MYO1E: variants seen among roughly 807,000 people sequenced by gnomAD.
The protein encoded by MYO1E is myosin IE, also known as unconventional myosin-Ie.
Under a neutral mutation model 151.1 loss-of-function variants are expected in MYO1E, and 68 were observed. That is an observed-to-expected ratio of 0.45 (90% CI 0.37 to 0.55). The LOEUF is 0.55. Among genes scored for constraint, MYO1E ranks in the 20% least tolerant of loss-of-function variants. MYO1E has a pLI of 0.00. For missense variants in MYO1E, 1,363 were observed against 1,389.3 expected (o/e 0.98, Z 0.30); for synonymous variants, 601 against 501.7 (o/e 1.20, Z -2.64).
At chr15:59,170,085 A>G (rs545498053) in intron 22 of MYO1E, among the ~76,000 whole-genome samples, 33 of 152,238 alleles carry the variant, frequency 2.2e-4, no homozygotes, top group Non-Finnish European at 4.1e-4. Context: ...CACTTGGACC[A>G]GGGAGGCAGA....
At chr15:59,289,963 G>T (rs1284848829) in intron 1 of MYO1E, among the ~76,000 whole-genome samples, 1 of 152,216 alleles carries the variant, frequency 6.6e-6, no homozygotes, top group East Asian at 1.9e-4. Context: ...ACATCAAGAA[G>T]TGTGCCCCAC....
At chr15:59,195,690 G>T in intron 16 of MYO1E, 123 bp from the exon 17 acceptor site, 3 of 987,200 alleles carry the variant, frequency 3.0e-6, no homozygotes, top group Non-Finnish European at 3.2e-6. Flanking sequence ...ATGACAATTT[G>T]CTCGTTAAGC....
chr15:59,227,677 G>A lies in MYO1E; in HGVS notation c.511-87C>T, dbSNP rs867265032. On this transcript the variant is annotated intron_variant, in intron 6 of 27. Coordinates refer to ENST00000288235, the MANE Select transcript of MYO1E (RefSeq NM_004998.4). ...GCTTTGAATACAGTATATAATTCAA[G>A]GAAATTCATTAATAAAATACACATT... The A allele has an allele frequency of 1.8e-5, 27 of 1,510,596 alleles. 1 individual carries two copies. The Middle Eastern group carries it at 1.0e-3, about 57-fold the overall frequency. The allele number at this position is 1,510,596 out of a possible 1,614,324, so 93.6% of individuals were successfully genotyped here. A position where few individuals can be genotyped will look rare whatever the true frequency, so the allele number is the denominator to read the frequency against.
At chr15:59,160,483 T>G (rs1379425514) in intron 24 of MYO1E, among the ~76,000 whole-genome samples, 1 of 151,464 alleles carries the variant, frequency 6.6e-6, no homozygotes, top group Non-Finnish European at 1.5e-5. Flanking sequence ...GATCATGATT[T>G]ACTGCAGCCT....
In MYO1E at chr15:59,153,789, A is replaced by G. The variant is rs780579539; in HGVS notation, c.2881T>C (p.Tyr961His). 6.2e-7 allele frequency: 1 copy of G among 1,612,538 alleles called. No homozygotes were observed. Among genetic ancestry groups the G allele is most frequent in the Admixed American group, 1.7e-5 (1 of 60,012 alleles). ...TTTCTGATGACTCCGTTCTGATGGT[A>G]TCCTAGAGAGAGGAACAGAGAAGGA... ...PVRAAPPPPGYHQNGVIRNQY... is the reference protein window; with the variant it reads ...PVRAAPPPPGHHQNGVIRNQY... The change falls in exon 26 of 28, where the codon TAC becomes CAC. Residue 961 changes from tyrosine to histidine, a missense_variant and splice_region_variant. Tyr to His is a moderately conservative substitution (Grantham distance 83). Transcript: ENST00000288235.
At chr15:59,323,077 G>T (rs1444610527) in intron 1 of MYO1E, among the ~76,000 whole-genome samples, 3 of 148,736 alleles carry the variant, frequency 2.0e-5, no homozygotes, top group Admixed American at 6.7e-5. Context: ...GCTGAGGCAG[G>T]AGAATGGTGT....
intron 16 of MYO1E, among the ~76,000 whole-genome samples, chr15:59,202,031 A>G (rs2140333930): frequency 6.6e-6 from 1 of 152,346 alleles, no homozygotes; most frequent in East Asian, 1.9e-4. Context: ...ACAGTTTAAC[A>G]TAAATTCTTC....
At chr15:59,193,487 A>G (rs1437968928) in intron 17 of MYO1E, among the ~76,000 whole-genome samples, 1 of 152,188 alleles carries the variant, frequency 6.6e-6, no homozygotes, top group African/African-American at 2.4e-5. Flanking sequence ...ACATTTCAGA[A>G]AAGCAGAGGC....
At chr15:59,270,568 A>G (rs1331004050) in intron 2 of MYO1E, among the ~76,000 whole-genome samples, 1 of 151,860 alleles carries the variant, frequency 6.6e-6, no homozygotes, top group Non-Finnish European at 1.5e-5. Flanking sequence ...AAGAAAAGAA[A>G]AAAGAAAAAA....
chr15:59,256,234 C>A (rs536618941), intron 4 of MYO1E, 50 bp downstream of exon 4: 1 of 1,412,618 alleles, frequency 7.1e-7, no homozygotes, highest in African/African-American at 1.4e-5. Context: ...TCCATAACCA[C>A]AGCATAGTCT....
intron 2 of MYO1E, among the ~76,000 whole-genome samples, chr15:59,264,081 T>C (rs76382183): frequency 0.01 from 1,546 of 152,260 alleles, 28 homozygotes; most frequent in African/African-American, 0.035. Flanking sequence ...AGATTGTGCT[T>C]TTTTTCATAT....
At chr15:59,276,725 G>A (rs761234861) in intron 1 of MYO1E, among the ~76,000 whole-genome samples, 2 of 152,190 alleles carry the variant, frequency 1.3e-5, no homozygotes, top group East Asian at 1.9e-4. Context: ...GGAAGAACTC[G>A]GCCTTGAGGC....
intron 4 of MYO1E, among the ~76,000 whole-genome samples, chr15:59,252,113 T>C (rs1302966598): frequency 6.6e-6 from 1 of 152,168 alleles, no homozygotes. Flanking sequence ...AAATAAAAAC[T>C]CTGAAATCTT....
intron 1 of MYO1E, among the ~76,000 whole-genome samples, chr15:59,300,282 C>A (rs1290045710): frequency 1.3e-5 from 2 of 150,204 alleles, no homozygotes; most frequent in African/African-American, 5.0e-5. Context: ...CATGGCTCTG[C>A]CTGCCCAGCA....
chr15:59,315,152 T>G (rs2080579745), intron 1 of MYO1E, among the ~76,000 whole-genome samples: 1 of 152,186 alleles, frequency 6.6e-6, no homozygotes, highest in South Asian at 2.1e-4. Context: ...GCTATCTGGC[T>G]TCTCCCCTTC....
chr15:59,270,130 T>C (rs767023754), intron 2 of MYO1E, among the ~76,000 whole-genome samples: 12 of 152,180 alleles, frequency 7.9e-5, no homozygotes, highest in Non-Finnish European at 1.2e-4. Flanking sequence ...AAGTAAATAA[T>C]AACGTAATGT....
chr15:59,208,508 C>G, intron 14 of MYO1E, 173 bp downstream of exon 14: 1 of 748,214 alleles, frequency 1.3e-6, no homozygotes, highest in East Asian at 2.7e-5. Flanking sequence ...AATGTACATA[C>G]AAAAAAATGC....
At chr15:59,310,508 A>C (rs1432595405) in intron 1 of MYO1E, among the ~76,000 whole-genome samples, 1 of 152,202 alleles carries the variant, frequency 6.6e-6, no homozygotes, top group Non-Finnish European at 1.5e-5. Flanking sequence ...GATTGGGGCG[A>C]CACAGCCACA....
At chr15:59,303,974 TTTTC>T (rs1235419670) in intron 1 of MYO1E, among the ~76,000 whole-genome samples, 15 of 149,866 alleles carry the variant, frequency 1.0e-4, no homozygotes, top group African/African-American at 1.5e-4. Context: ...TTTCATTTTC[TTTTC>T]TTTCTTTTTT....
Sources: allele counts gnomAD v4.1 joint callset (sites outside exome capture counted in the v4.1 genomes callset), GRCh38; gene constraint gnomAD v4.1.1; transcripts MANE v1.5; gene names NCBI Gene and HGNC (gene_info 2026-07-23, HGNC 2026-07-21).